ANK3: variants seen among roughly 807,000 people sequenced by gnomAD.
ANK3 encodes the protein ankyrin 3.
Under a neutral mutation model 370.9 loss-of-function variants are expected in ANK3, and 57 were observed. The observed-to-expected ratio is 0.15, with a 90% CI of 0.12 to 0.19. The LOEUF (loss-of-function observed/expected upper bound fraction) is 0.19. Ranked by LOEUF, ANK3 falls within the 10% of genes least tolerant of loss-of-function variation. The probability of loss-of-function intolerance (pLI) is 1.00; values close to 1 mark genes in which losing one functional copy is unlikely to be tolerated. For synonymous variants in ANK3, 1,929 were observed against 1,946.3 expected (o/e 0.99, Z 0.23); for missense variants, 4,439 against 5,302.1 (o/e 0.84, Z 5.06).
At chr10:60,123,274 CT>C (rs1466532432) in intron 25 of ANK3, among the ~76,000 whole-genome samples, 1 of 152,168 alleles carries the variant, frequency 6.6e-6, no homozygotes, top group African/African-American at 2.4e-5. Flanking sequence ...GATTATTCAA[CT>C]GAAAATGCAC....
intron 2 of ANK3, among the ~76,000 whole-genome samples, chr10:60,544,873 T>A (rs2076926836): frequency 6.6e-6 from 1 of 151,900 alleles, no homozygotes; most frequent in African/African-American, 2.4e-5. Context: ...CCATTTAAAA[T>A]CCCCAAGTAA....
intron 1 of ANK3, among the ~76,000 whole-genome samples, chr10:60,377,193 A>C (rs1349689262): frequency 6.6e-6 from 1 of 152,216 alleles, no homozygotes; most frequent in Non-Finnish European, 1.5e-5. Context: ...GGGAGGGAGC[A>C]GGGAACAGTG....
chr10:60,394,561 C>A (rs143204829), upstream of ANK3, among the ~76,000 whole-genome samples: 1 of 152,270 alleles, frequency 6.6e-6, no homozygotes, highest in Non-Finnish European at 1.5e-5. Flanking sequence ...CTCACATGGG[C>A]AGACAGGAAC....
chr10:60,418,770 T>C (rs1324189219), intron 2 of ANK3, among the ~76,000 whole-genome samples: 1 of 151,820 alleles, frequency 6.6e-6, no homozygotes, highest in Non-Finnish European at 1.5e-5. Flanking sequence ...GCATTCTGTA[T>C]CTGACTTGGG....
chr10:60,285,038 A>T (rs191797968), intron 1 of ANK3, among the ~76,000 whole-genome samples: 1 of 152,220 alleles, frequency 6.6e-6, no homozygotes, highest in African/African-American at 2.4e-5. Flanking sequence ...CCCCCTTGCA[A>T]GTGATGATCG....
chr10:60,196,442 T>C, intron 15 of ANK3, 85 bp downstream of exon 15: 1 of 1,016,964 alleles, frequency 9.8e-7, no homozygotes, highest in African/African-American at 1.6e-5. Context: ...TAGTTATAAT[T>C]TGAGTGGCTA....
chr10:60,493,576 A>G (rs2075579648), intron 2 of ANK3, among the ~76,000 whole-genome samples: 5 of 152,102 alleles, frequency 3.3e-5, no homozygotes. Flanking sequence ...AGATTAATGA[A>G]CTAAATTTTG....
chr10:60,662,874 A>T (rs186994302), intron 1 of ANK3, among the ~76,000 whole-genome samples: 2 of 152,354 alleles, frequency 1.3e-5, no homozygotes, highest in East Asian at 3.9e-4. Context: ...TAAACAATTA[A>T]ACTATCCCAG....
chr10:60,541,229 C>G (rs993859365), intron 2 of ANK3, among the ~76,000 whole-genome samples: 1 of 151,922 alleles, frequency 6.6e-6, no homozygotes, highest in African/African-American at 2.4e-5. Context: ...CTGTATGACT[C>G]TCCTCAAAAC....
intron 1 of ANK3, among the ~76,000 whole-genome samples, chr10:60,668,393 C>T (rs1329428345): frequency 1.3e-5 from 2 of 151,458 alleles, no homozygotes; most frequent in Non-Finnish European, 2.9e-5. Flanking sequence ...GATTATAGTA[C>T]TTAAGGGGCA....
intron 2 of ANK3, among the ~76,000 whole-genome samples, chr10:60,554,378 T>G (rs1255615868): frequency 1.3e-5 from 2 of 152,078 alleles, no homozygotes; most frequent in Admixed American, 6.5e-5. Flanking sequence ...TAAGCACAGG[T>G]GGTCCTGCTG....
chr10:60,649,967 T>C (rs1161883992), intron 1 of ANK3, among the ~76,000 whole-genome samples: 2 of 152,194 alleles, frequency 1.3e-5, no homozygotes, highest in Non-Finnish European at 2.9e-5. Flanking sequence ...GTTCACTGCA[T>C]GAGAGCACAT....
At chr10:60,603,885 C>G (rs1194539211) in intron 2 of ANK3, among the ~76,000 whole-genome samples, 1 of 152,090 alleles carries the variant, frequency 6.6e-6, no homozygotes, top group Non-Finnish European at 1.5e-5. Flanking sequence ...GAGGCACACT[C>G]CTCAGTCTCA....
chr10:60,415,618 G>GGGTT (rs2063645823), intron 2 of ANK3, among the ~76,000 whole-genome samples: 1 of 152,042 alleles, frequency 6.6e-6, no homozygotes, highest in African/African-American at 2.4e-5. Context: ...ATCATCCAAT[G>GGGTT]AAATTCTGGG....
At chr10:60,662,864 T>C (rs1417641001) in intron 1 of ANK3, among the ~76,000 whole-genome samples, 1 of 152,170 alleles carries the variant, frequency 6.6e-6, no homozygotes, top group African/African-American at 2.4e-5. Context: ...GCCTTTAAGA[T>C]AAACAATTAA....
chr10:60,126,132 A>C (rs995996882), intron 25 of ANK3, among the ~76,000 whole-genome samples: 2 of 152,288 alleles, frequency 1.3e-5, no homozygotes, highest in Admixed American at 6.5e-5. Context: ...TAGTCTAGTT[A>C]AGTCTTCTAA....
intron 42 of ANK3, among the ~76,000 whole-genome samples, chr10:60,052,086 C>A (rs1257440205): frequency 1.3e-5 from 2 of 152,134 alleles, no homozygotes; most frequent in African/African-American, 4.8e-5. Context: ...TCTAGCTGGG[C>A]ACGGTGGCTC....
intron 28 of ANK3, among the ~76,000 whole-genome samples, chr10:60,098,582 G>T (rs1243166519): frequency 6.6e-6 from 1 of 151,436 alleles, no homozygotes; most frequent in East Asian, 1.9e-4. Flanking sequence ...GTTCACATAA[G>T]ATGTTATAGG....
intron 2 of ANK3, among the ~76,000 whole-genome samples, chr10:60,453,760 A>G (rs1386757020): frequency 1.3e-5 from 2 of 152,082 alleles, no homozygotes; most frequent in African/African-American, 2.4e-5. Flanking sequence ...ACACACACAC[A>G]CAGAGTGTGT....
Sources: gnomAD v4.1 joint callset for allele counts (sites outside exome capture counted in the v4.1 genomes callset) on GRCh38, gnomAD v4.1.1 for gene constraint, MANE v1.5 for transcripts, NCBI Gene and HGNC (gene_info 2026-07-23, HGNC 2026-07-21) for gene names.